The following FOXR1 variants were observed in gnomAD, a reference collection of about 807,000 sequenced individuals.
FOXR1 encodes forkhead box R1, also known as forkhead box protein R1.
Under a neutral mutation model 34.5 loss-of-function variants are expected in FOXR1, and 25 were observed. That is an observed-to-expected ratio of 0.72 (90% CI 0.53 to 1.01). FOXR1 has a LOEUF of 1.01. Among genes scored for constraint, FOXR1 ranks in the 50% least tolerant of loss-of-function variants. FOXR1 has a pLI of 0.00. For missense variants in FOXR1, 373 were observed against 376.2 expected, an observed-to-expected ratio of 0.99 and a Z score of 0.07; for synonymous variants, 153 against 141.6, an observed-to-expected ratio of 1.08 and a Z score of -0.57.
chr11:118,977,980 G>T (rs571647577), intron 1 of FOXR1, among the ~76,000 whole-genome samples: 1 of 152,278 alleles, frequency 6.6e-6, no homozygotes, highest in African/African-American at 2.4e-5. Context: ...AGCACTTTGG[G>T]AGGGTGAGGC....
rs568473839 is a variant in FOXR1 at position 118,972,200 on chromosome 11, G to GT, written c.61+211dup. ...CACTCGCGAACTCTACTCGGGAGTG[G>GT]TTTGGGGGGTGGGGGGGTTCGCGCC... On this transcript the variant is annotated intron_variant, in intron 1 of 5. Coordinates refer to ENST00000317011, the MANE Select transcript of FOXR1 (RefSeq NM_181721.3). Among the ~76,000 whole-genome samples the GT allele has an allele frequency of 1.7e-3, 255 of 151,414 alleles. 1 individual carries two copies. The highest frequency in any genetic ancestry group is 5.8e-3 in the African/African-American group (240 of 41,306).
rs1489641696 is a variant in FOXR1 at position 118,979,054 on chromosome 11, C to T, written c.234C>T (p.Asp78=). The T allele has an allele frequency of 2.5e-6, 4 of 1,604,286 alleles. No homozygotes were observed. The highest frequency in any genetic ancestry group is 3.4e-6 in the Non-Finnish European group (4 of 1,175,710). ...LEVSGRRKRE[D]LTSTLPSSQP... is the part of the protein sequence containing the mutation. ...TCTCAGGACGTAGGAAGAGGGAGGA[C>T]CTGACAAGCACACTCCCCTCCTCTC... The change falls in exon 3 of 6, where the codon GAC becomes GAT. Residue 78 remains aspartate, a synonymous_variant. Coordinates refer to ENST00000317011, the MANE Select transcript of FOXR1 (RefSeq NM_181721.3).
At chr11:118,977,605 T>C (rs58745438) in intron 1 of FOXR1, among the ~76,000 whole-genome samples, 68,142 of 151,948 alleles carry the variant, frequency 0.45, 15,853 homozygotes, top group Admixed American at 0.57. Flanking sequence ...CTTTTTTGAA[T>C]ACTATGTTGA....
rs1311242757 is a variant in FOXR1 at position 118,979,426 on chromosome 11, C to T, written c.385-16C>T. 3 of 1,588,582 alleles carry T rather than the reference C, an allele frequency of 1.9e-6. No individual in the cohort carries two copies. The highest frequency in any genetic ancestry group is 2.2e-5 in the East Asian group (1 of 44,452). On this transcript the variant is annotated splice_polypyrimidine_tract_variant and intron_variant, in intron 3 of 5. Transcript: ENST00000317011. ...GCTGAGGAGTCAGGACCAGTTCCTA[C>T]TCTGTGCTCCTCTAGCTCACAGAAG...
chr11:118,979,520 C>T lies in FOXR1; in HGVS notation c.463C>T (p.Leu155Phe). 6.2e-7 allele frequency: 1 copy of T among 1,613,672 alleles called. No individual in the cohort carries two copies. ...ALPSPHKRAP[L>F]QSRRLRQASS... ...CCCATCCCCTCACAAAAGGGCCCCCCTCCAGAGTCGGAGGCTTCGGCAAGC... is the reference window on the plus strand; with the variant it reads ...CCCATCCCCTCACAAAAGGGCCCCCTTCCAGAGTCGGAGGCTTCGGCAAGC... The change falls in exon 4 of 6, where the codon CTC becomes TTC. Residue 155 changes from leucine (L) to phenylalanine (F), a missense_variant. Physicochemically the swap from Leu to Phe is conservative, Grantham distance 22 (BLOSUM62 0). Transcript: ENST00000317011.
intron 5 of FOXR1, 149 bp from the exon 6 acceptor site, chr11:118,981,059 C>A: frequency 1.3e-6 from 1 of 784,644 alleles, no homozygotes; most frequent in Non-Finnish European, 2.3e-6. Flanking sequence ...CTTCTACTTT[C>A]CCTGGAGCAG....
At position 118,971,910 on chromosome 11, in the gene FOXR1, C is replaced by T; in HGVS notation, c.-22C>T. ...TCTGGGCCCGCCTCCATGGCCAGGTCCCGGGACTGCTGGACTGGGACATGG... is the reference window on the plus strand; with the variant it reads ...TCTGGGCCCGCCTCCATGGCCAGGTTCCGGGACTGCTGGACTGGGACATGG... On this transcript the variant is annotated 5_prime_UTR_variant, in exon 1 of 6. Transcript: ENST00000317011. The T allele has an allele frequency of 9.0e-6, 14 of 1,554,820 alleles. No individual in the cohort carries two copies. The highest frequency in any genetic ancestry group is 1.2e-5 in the Non-Finnish European group (14 of 1,148,518).
intron 5 of FOXR1, 139 bp from the exon 6 acceptor site, chr11:118,981,069 G>A: frequency 1.2e-6 from 1 of 831,194 alleles, no homozygotes; most frequent in East Asian, 2.4e-5. Flanking sequence ...CCCTGGAGCA[G>A]TGCAGGGAGG....
chr11:118,973,632 A>G (rs1941742728), intron 1 of FOXR1, among the ~76,000 whole-genome samples: 1 of 151,034 alleles, frequency 6.6e-6, no homozygotes, highest in South Asian at 2.1e-4. Context: ...ATTCCTGACC[A>G]TGATCCGCCG....
rs1227644101 is a variant in FOXR1 at position 118,973,407 on chromosome 11, GTTTGTTTTT to G, written c.61+1425_61+1433del. On this transcript the variant is annotated intron_variant, in intron 1 of 5. Coordinates refer to ENST00000317011, the MANE Select transcript of FOXR1 (RefSeq NM_181721.3). ...GGGGAAGGGTGTGGTGGCAGCTACA[GTTTGTTTTT>G]TTTGTTTTTGTTGTTTTTTGAGATG... Among the ~76,000 whole-genome samples, 6 of 152,120 alleles carry G rather than the reference GTTTGTTTTT, an allele frequency of 3.9e-5. No homozygotes were observed. In the East Asian group the frequency reaches 1.2e-3, roughly 29 times the overall value.
chr11:118,980,425 T>G, intron 4 of FOXR1, 65 bp from the exon 5 acceptor site: 1 of 1,560,820 alleles, frequency 6.4e-7, no homozygotes, highest in Non-Finnish European at 8.8e-7. Flanking sequence ...GGGTAGAACA[T>G]GCCCCAGAGA....
In FOXR1 at chr11:118,981,280, T is replaced by A. The variant is rs1432021999; in HGVS notation, c.*44T>A. On this transcript the variant is annotated 3_prime_UTR_variant, in exon 6 of 6. Coordinates refer to ENST00000317011, the MANE Select transcript of FOXR1 (RefSeq NM_181721.3). ...AGCTAATGCTTTATTAAAATTACCC[T>A]CACTAGCCTTCTGTGTGTGTCTGTG... 2 of 1,597,550 alleles carry A rather than the reference T, an allele frequency of 1.3e-6. No individual in the cohort carries two copies. Among genetic ancestry groups the A allele is most frequent in the Non-Finnish European group, 1.7e-6 (2 of 1,165,174 alleles).
At chr11:118,977,533 G>T (rs539119509) in intron 1 of FOXR1, among the ~76,000 whole-genome samples, 2 of 152,086 alleles carry the variant, frequency 1.3e-5, no homozygotes, top group Admixed American at 1.3e-4. Flanking sequence ...TCCAGCATGG[G>T]CAACCAAGCA....
rs1247413427 is a variant in FOXR1, at chr11:118,980,598, CG to C, written c.724del (p.Ala242ProfsTer12). 6.2e-6 allele frequency: 10 copies of C among 1,614,136 alleles called. No individual in the cohort carries two copies. Among genetic ancestry groups the C allele is most frequent in the Non-Finnish European group, 8.5e-6 (10 of 1,180,056 alleles). On this transcript the variant is annotated frameshift_variant, in exon 5 of 6. Transcript: ENST00000317011. LOFTEE classifies it high-confidence loss of function. ...FEKVPVSMQG[G>X]ASTRPRSCLW... ...AGAAAGTGCCTGTCAGCATGCAGGG[CG>C]GGGCCAGCACACGGCCTCGATCTTG... is the stretch of plus-strand genomic sequence containing the variant.
intron 1 of FOXR1, 133 bp downstream of exon 1, chr11:118,972,125 C>CTG: frequency 4.1e-6 from 2 of 486,230 alleles, no homozygotes; most frequent in South Asian, 4.3e-5. Context: ...GCCGAGCGCC[C>CTG]CGCGCCCCCC....
chr11:118,979,076 T>C lies in FOXR1; in HGVS notation c.256T>C (p.Ser86Pro). The stretch of plus-strand genomic sequence containing the variant: ...GGACCTGACAAGCACACTCCCCTCC[T>C]CTCAGCCACCCCAGAAGGAGGAAGA... Reference protein sequence around the residue: ...REDLTSTLPSSQPPQKEEDAS... With the variant: ...REDLTSTLPSPQPPQKEEDAS... Residue 86 changes from serine (S) to proline (P), a missense_variant, in exon 3 of 6, where the codon TCT becomes CCT. Coordinates refer to ENST00000317011, the MANE Select transcript of FOXR1 (RefSeq NM_181721.3). 6.2e-7 allele frequency: 1 copy of C among 1,606,952 alleles called. No homozygotes were observed. Among genetic ancestry groups the C allele is most frequent in the Non-Finnish European group, 8.5e-7 (1 of 1,176,758 alleles).
chr11:118,972,136 C>CCA, intron 1 of FOXR1, 144 bp downstream of exon 1: 1 of 548,580 alleles, frequency 1.8e-6, no homozygotes, highest in Non-Finnish European at 3.0e-6. Flanking sequence ...CGCGCCCCCC[C>CCA]CCCCCGACGG....
chr11:118,979,051 G>A lies in FOXR1; in HGVS notation c.231G>A (p.Glu77=), dbSNP rs782052870. 1 of 1,603,756 alleles carries A rather than the reference G, an allele frequency of 6.2e-7. No homozygotes were observed. The highest frequency in any genetic ancestry group is 8.5e-7 in the Non-Finnish European group (1 of 1,175,482). ...KLEVSGRRKR[E]DLTSTLPSSQ... ...AGGTCTCAGGACGTAGGAAGAGGGA[G>A]GACCTGACAAGCACACTCCCCTCCT... Residue 77 remains glutamate (E), a synonymous_variant, in exon 3 of 6, where the codon GAG becomes GAA. Coordinates refer to ENST00000317011, the MANE Select transcript of FOXR1 (RefSeq NM_181721.3).
chr11:118,976,221 G>C (rs55970513), intron 1 of FOXR1, among the ~76,000 whole-genome samples: 1 of 151,984 alleles, frequency 6.6e-6, no homozygotes, highest in Admixed American at 6.6e-5. Flanking sequence ...TTTGAAGCAA[G>C]GTCTGGCTTT....
Sources: allele counts gnomAD v4.1 joint callset (sites outside exome capture counted in the v4.1 genomes callset), GRCh38; gene constraint gnomAD v4.1.1; transcripts MANE v1.5; gene names NCBI Gene and HGNC (gene_info 2026-07-23, HGNC 2026-07-21).